NMNAT3: variants seen among roughly 807,000 people sequenced by gnomAD.
NMNAT3 encodes the protein nicotinamide/nicotinic acid mononucleotide adenylyltransferase 3.
In NMNAT3, 21 loss-of-function variants were observed where a neutral mutation model predicts 24.8. The ratio of observed to expected loss-of-function variants is 0.85; its 90% CI spans 0.60 to 1.22. The LOEUF is 1.22. Ranked by LOEUF, NMNAT3 falls within the 50% of genes most tolerant of loss-of-function variation. The probability of loss-of-function intolerance (pLI) is 0.00; values close to 1 mark genes in which losing one functional copy is unlikely to be tolerated. For missense variants in NMNAT3, 387 were observed against 436.6 expected, an observed-to-expected ratio of 0.89 and a Z score of 1.01; for synonymous variants, 136 against 155.2, an observed-to-expected ratio of 0.88 and a Z score of 0.92.
Position 139,560,819 on chromosome 3 carries a change from A to C in NMNAT3, c.*191T>G, listed in dbSNP as rs1363169583. 3.3e-6 allele frequency: 2 copies of C among 598,664 alleles called. No homozygotes were observed. Among genetic ancestry groups the C allele is most frequent in the Non-Finnish European group, 5.8e-6 (2 of 342,722 alleles). The allele number at this position is 598,664 out of a possible 1,614,324, so 37.1% of individuals were successfully genotyped here. On this transcript the variant is annotated 3_prime_UTR_variant, in exon 7 of 7. Coordinates refer to ENST00000643695, the MANE Select transcript of NMNAT3 (RefSeq NM_001320510.2). ...TCTTTGATAAATGTCTATCCTTGTG[A>C]TTTAGACCTTTCCTCTCCTGTAAAG...
chr3:139,600,327 C>T (rs1350460432), intron 3 of NMNAT3, among the ~76,000 whole-genome samples: 20 of 144,820 alleles, frequency 1.4e-4, no homozygotes, highest in African/African-American at 3.9e-4. Context: ...TTTTTTGAGA[C>T]GGAGTTTTGC....
chr3:139,674,326 C>T (rs1021855013), intron 1 of NMNAT3, among the ~76,000 whole-genome samples: 4 of 152,206 alleles, frequency 2.6e-5, no homozygotes, highest in African/African-American at 9.6e-5. Context: ...ATGAAGGAAT[C>T]ATGAGTCCAC....
chr3:139,631,265 C>T (rs566463339), intron 2 of NMNAT3, among the ~76,000 whole-genome samples: 1 of 152,200 alleles, frequency 6.6e-6, no homozygotes, highest in South Asian at 2.1e-4. Context: ...CATGTGTACA[C>T]TCAAATTTGC....
chr3:139,610,210 T>C (rs1055696107), intron 3 of NMNAT3, among the ~76,000 whole-genome samples: 1 of 152,180 alleles, frequency 6.6e-6, no homozygotes, highest in Admixed American at 6.5e-5. Context: ...CACACTCATC[T>C]GCAAAGTGCT....
chr3:139,627,225 C>T (rs2056091335), intron 3 of NMNAT3, among the ~76,000 whole-genome samples: 1 of 152,098 alleles, frequency 6.6e-6, no homozygotes, highest in African/African-American at 2.4e-5. Context: ...CATTATCAAG[C>T]ATTTTCTTAC....
At chr3:139,616,247 C>T (rs1370434105) in intron 3 of NMNAT3, among the ~76,000 whole-genome samples, 4 of 152,152 alleles carry the variant, frequency 2.6e-5, no homozygotes, top group Non-Finnish European at 4.4e-5. Context: ...CATCTAACTC[C>T]AATACTAAAT....
At chr3:139,661,140 C>A (rs2057402443) in intron 1 of NMNAT3, among the ~76,000 whole-genome samples, 2 of 152,132 alleles carry the variant, frequency 1.3e-5, no homozygotes, top group Non-Finnish European at 2.9e-5. Context: ...CCAACTGTTT[C>A]TTATTTACTT....
In NMNAT3 at chr3:139,627,676, G is replaced by A. The variant is rs910591087; in HGVS notation, c.49C>T (p.Pro17Ser). The stretch of plus-strand genomic sequence containing the variant: ...ATGCGCAGGTGCATGTTGGTGATGG[G>A]GTTAAAGGAGCCACAGGCCAGGAGC... Residue 17 changes from proline to serine, a missense_variant, in exon 3 of 7, where the codon CCC (proline) becomes TCC (serine). Pro to Ser is a moderately conservative substitution (Grantham distance 74). Around this residue, in one of 3 missense-constraint regions of NMNAT3, gnomAD observed 51 missense variants for 55.6 expected, o/e 0.92. Transcript: ENST00000643695. 1.9e-6 allele frequency: 3 copies of A among 1,596,186 alleles called. No homozygotes were observed. The highest frequency in any genetic ancestry group is 2.5e-6 in the Non-Finnish European group (3 of 1,178,594).
intron 3 of NMNAT3, among the ~76,000 whole-genome samples, chr3:139,600,273 G>A (rs758904114): frequency 2.0e-5 from 3 of 150,974 alleles, no homozygotes; most frequent in Admixed American, 1.3e-4. Flanking sequence ...ATTTCATAGG[G>A]TTTAAACTTC....
intron 3 of NMNAT3, among the ~76,000 whole-genome samples, chr3:139,587,754 G>A (rs2053998753): frequency 6.6e-6 from 1 of 152,198 alleles, no homozygotes; most frequent in Non-Finnish European, 1.5e-5. Context: ...TGTTATACAT[G>A]GGACATACAT....
intron 4 of NMNAT3, among the ~76,000 whole-genome samples, chr3:139,579,704 G>T (rs74859861): frequency 0.02 from 3,005 of 152,270 alleles, 86 homozygotes; most frequent in African/African-American, 0.066. Flanking sequence ...TGGGGAGAGA[G>T]AAATTTTTGT....
chr3:139,574,115 A>G (rs1261099652), intron 5 of NMNAT3, among the ~76,000 whole-genome samples: 1 of 152,242 alleles, frequency 6.6e-6, no homozygotes, highest in Non-Finnish European at 1.5e-5. Context: ...TGAATGAGCC[A>G]TGCACATGAA....
chr3:139,563,721 TCTTCAGGGCTCA>T (rs2107986753), intron 6 of NMNAT3, among the ~76,000 whole-genome samples: 1 of 152,262 alleles, frequency 6.6e-6, no homozygotes, highest in East Asian at 1.9e-4. Context: ...GGCAGTCCTG[TCTTCAGGGCTCA>T]CAAACGCATT....
intron 1 of NMNAT3, among the ~76,000 whole-genome samples, chr3:139,658,315 C>T (rs1381740307): frequency 6.6e-5 from 10 of 152,340 alleles, no homozygotes; most frequent in Non-Finnish European, 1.3e-4. Context: ...AGTCTAGGCT[C>T]AGAGTCCTGT....
rs1418534826 is a variant in NMNAT3 at position 139,593,873 on chromosome 3, T to C, written c.110-10665A>G. Among the ~76,000 whole-genome samples the C allele has an allele frequency of 7.6e-5, 11 of 145,574 alleles. No individual in the cohort carries two copies. The Admixed American group carries it at 7.6e-4, about 10-fold the overall frequency. On this transcript the variant is annotated intron_variant, in intron 3 of 6. Coordinates refer to ENST00000643695, the MANE Select transcript of NMNAT3 (RefSeq NM_001320510.2). ...AAGAGAAAGCAGGAAAGATCCAAAA[T>C]TGACACCCTAACATCACAATTAAAA... is the stretch of plus-strand genomic sequence containing the variant.
chr3:139,588,851 T>A (rs2054051191), intron 3 of NMNAT3, among the ~76,000 whole-genome samples: 1 of 152,202 alleles, frequency 6.6e-6, no homozygotes, highest in South Asian at 2.1e-4. Context: ...GGATTAAGTA[T>A]GTTTCCCAGA....
At chr3:139,630,317 G>A (rs2056239909) in intron 2 of NMNAT3, among the ~76,000 whole-genome samples, 1 of 152,196 alleles carries the variant, frequency 6.6e-6, no homozygotes, top group Non-Finnish European at 1.5e-5. Flanking sequence ...AACAGTAAGG[G>A]AAAGGGGATT....
intron 3 of NMNAT3, among the ~76,000 whole-genome samples, chr3:139,601,349 G>T (rs1222263521): frequency 6.6e-6 from 1 of 152,114 alleles, no homozygotes; most frequent in Non-Finnish European, 1.5e-5. Context: ...TGTGACCTGG[G>T]GCAAATTACT....
At chr3:139,583,403 G>A in intron 3 of NMNAT3, 1 of 1,578,938 alleles carries the variant, frequency 6.3e-7, no homozygotes. Context: ...GAACATTCTG[G>A]AACCACCACA....
Sources: gnomAD v4.1 joint callset for allele counts (sites outside exome capture counted in the v4.1 genomes callset) on GRCh38, gnomAD v4.1.1 for gene constraint, gnomAD v4.1.1 regional missense constraint, MANE v1.5 for transcripts, NCBI Gene and HGNC (gene_info 2026-07-23, HGNC 2026-07-21) for gene names.